The following DNAJA3 variants were observed in gnomAD, a reference collection of about 807,000 sequenced individuals.
DNAJA3 encodes DnaJ heat shock protein family (Hsp40) member A3, also known as dnaJ homolog subfamily A member 3, mitochondrial.
A neutral mutation model predicts 54.9 loss-of-function variants in DNAJA3; 29 were observed. The observed-to-expected ratio is 0.53, with a 90% CI of 0.39 to 0.72. DNAJA3 has a LOEUF of 0.72. Ranked by LOEUF, DNAJA3 falls within the 30% of genes least tolerant of loss-of-function variation. The pLI is 0.00. For synonymous variants in DNAJA3, 302 were observed against 251.4 expected (o/e 1.20, Z -1.90); for missense variants, 708 against 639.4 (o/e 1.11, Z -1.16).
At position 4,450,463 on chromosome 16, in the gene DNAJA3, G is replaced by A. The variant is rs2056964384; in HGVS notation, c.1305G>A (p.Glu435=). The A allele has an allele frequency of 6.2e-7, 1 of 1,611,966 alleles. No homozygotes were observed. The highest frequency in any genetic ancestry group is 1.7e-5 in the Admixed American group (1 of 59,756). The part of the protein sequence containing the change: ...LSYAEDETDV[E]GTVNGVTLTS... Reference sequence around the variant, plus strand: ...ACGCCGAGGACGAGACAGATGTGGAGGGGACGGTGAACGGCGTCACCCTCA... The same window carrying A: ...ACGCCGAGGACGAGACAGATGTGGAAGGGACGGTGAACGGCGTCACCCTCA... The change falls in exon 10 of 12, where the codon GAG becomes GAA. Residue 435 remains glutamate (E), a synonymous_variant. Transcript: ENST00000262375.
At chr16:4,445,171 C>A (rs927415679) in intron 7 of DNAJA3, among the ~76,000 whole-genome samples, 1 of 152,146 alleles carries the variant, frequency 6.6e-6, no homozygotes, top group African/African-American at 2.4e-5. Context: ...GCCTAGCAGG[C>A]GATAGGTACA....
intron 2 of DNAJA3, 105 bp downstream of exon 2, chr16:4,434,622 A>G (rs570295898): frequency 3.8e-6 from 5 of 1,316,584 alleles, no homozygotes; most frequent in Non-Finnish European, 5.2e-6. Flanking sequence ...AATAGGTCTC[A>G]TGAGCTGATA....
chr16:4,435,793 T>C (rs1446468943), intron 2 of DNAJA3, among the ~76,000 whole-genome samples: 1 of 152,238 alleles, frequency 6.6e-6, no homozygotes, highest in Admixed American at 6.5e-5. Context: ...TAGACATTCA[T>C]ATGTAAGTTT....
In DNAJA3 at chr16:4,446,996, C is replaced by G. The variant is rs771962066; in HGVS notation, c.1107C>G (p.Tyr369Ter). The G allele has an allele frequency of 1.2e-6, 2 of 1,613,880 alleles. No homozygotes were observed. Among genetic ancestry groups the G allele is most frequent in the Non-Finnish European group, 1.7e-6 (2 of 1,179,934 alleles). ...GTACAGCCAGAGCCCAGGGCCTGTA[C>G]GAGACGATCAACGTGACGGTAAGAG... ...LGGTARAQGL[Y>*]ETINVTIPPG... Residue 369 changes from tyrosine to a stop codon, truncating the protein, a stop_gained, in exon 8 of 12, where the codon TAC (tyrosine) becomes TAG (stop). Transcript: ENST00000262375. LOFTEE classifies it high-confidence loss of function.
intron 3 of DNAJA3, among the ~76,000 whole-genome samples, chr16:4,438,068 A>G (rs1008447187): frequency 6.1e-4 from 93 of 152,058 alleles, no homozygotes; most frequent in African/African-American, 2.2e-3. Flanking sequence ...TGTAATCCCA[A>G]CACTTTGGGA....
chr16:4,441,432 G>T lies in DNAJA3; in HGVS notation c.487G>T (p.Asp163Tyr). The T allele has an allele frequency of 6.2e-7, 1 of 1,614,134 alleles. No homozygotes were observed. The highest frequency in any genetic ancestry group is 1.1e-5 in the South Asian group (1 of 91,076). The change falls in exon 4 of 12, where the codon GAT becomes TAT. Residue 163 changes from aspartate (D) to tyrosine (Y), a missense_variant. By Grantham distance (160) the Asp-to-Tyr change is radical. Transcript: ENST00000262375. ...QYDAYGSAGF[D>Y]PGASGSQHSY... ...CGATGCCTACGGCTCTGCAGGCTTC[G>T]ATCCTGGGGCCAGCGGCTCCCAGCA...
At chr16:4,435,213 GA>G (rs2056759525) in intron 2 of DNAJA3, among the ~76,000 whole-genome samples, 1 of 151,868 alleles carries the variant, frequency 6.6e-6, no homozygotes, top group African/African-American at 2.4e-5. Flanking sequence ...TCTTAACCTG[GA>G]AAATGTGAAA....
intron 2 of DNAJA3, among the ~76,000 whole-genome samples, chr16:4,435,971 C>T (rs1036110307): frequency 2.6e-5 from 4 of 152,226 alleles, no homozygotes; most frequent in African/African-American, 7.2e-5. Flanking sequence ...CTCCACATCC[C>T]AGTGAACACT....
intron 2 of DNAJA3, among the ~76,000 whole-genome samples, chr16:4,434,866 A>G (rs955891050): frequency 1.8e-4 from 27 of 147,434 alleles, no homozygotes; most frequent in African/African-American, 6.6e-4. Context: ...TTAGAGGTTT[A>G]GAATTACTTC....
At chr16:4,446,214 G>T (rs926799367) in intron 7 of DNAJA3, among the ~76,000 whole-genome samples, 1 of 149,226 alleles carries the variant, frequency 6.7e-6, no homozygotes, top group Non-Finnish European at 1.5e-5. Flanking sequence ...AGCCACCACG[G>T]CTGGCCTATA....
chr16:4,434,612 A>T (rs4785964), intron 2 of DNAJA3, 95 bp downstream of exon 2: 1 of 1,425,192 alleles, frequency 7.0e-7, no homozygotes, highest in Non-Finnish European at 9.5e-7. Context: ...TGCCCATATG[A>T]ATAGGTCTCA....
chr16:4,429,165 G>A (rs569735175), intron 1 of DNAJA3, among the ~76,000 whole-genome samples: 37 of 151,942 alleles, frequency 2.4e-4, no homozygotes, highest in Admixed American at 7.2e-4. Context: ...GGGATTACAG[G>A]TGTGAGCCAC....
At chr16:4,451,721 C>T (rs2056979836) in intron 10 of DNAJA3, among the ~76,000 whole-genome samples, 1 of 136,992 alleles carries the variant, frequency 7.3e-6, no homozygotes, top group African/African-American at 2.8e-5. Flanking sequence ...CACACCACTG[C>T]ACTCCAGCTT....
chr16:4,431,314 G>A (rs1038579653), intron 1 of DNAJA3, among the ~76,000 whole-genome samples: 1 of 152,230 alleles, frequency 6.6e-6, no homozygotes, highest in African/African-American at 2.4e-5. Context: ...CAGGTCTAGT[G>A]TTTTCTCAAG....
At chr16:4,446,795 C>A in intron 7 of DNAJA3, 91 bp from the exon 8 acceptor site, 1 of 1,515,148 alleles carries the variant, frequency 6.6e-7, no homozygotes, top group Non-Finnish European at 9.0e-7. Flanking sequence ...TGTAGTTTGT[C>A]AGGTCTGAGC....
At chr16:4,435,332 CAAAAT>C (rs1423755046) in intron 2 of DNAJA3, among the ~76,000 whole-genome samples, 2 of 151,994 alleles carry the variant, frequency 1.3e-5, no homozygotes, top group Non-Finnish European at 2.9e-5. Context: ...CTCTGACCAA[CAAAAT>C]AAAATCAATA....
At chr16:4,443,938 G>C (rs564893723) in intron 6 of DNAJA3, among the ~76,000 whole-genome samples, 3 of 152,246 alleles carry the variant, frequency 2.0e-5, no homozygotes, top group East Asian at 1.9e-4. Context: ...CACCCGCCTC[G>C]GCTTCCCAAA....
intron 9 of DNAJA3, 181 bp from the exon 10 acceptor site, chr16:4,450,219 C>T: frequency 1.8e-6 from 1 of 545,722 alleles, no homozygotes; most frequent in Non-Finnish European, 3.3e-6. Context: ...AGGAGCTTTT[C>T]TGTACAGAAG....
Position 4,454,917 on chromosome 16 carries a change from T to C in DNAJA3, c.*3T>C, listed in dbSNP as rs1398050999. 6.2e-7 allele frequency: 1 copy of C among 1,609,474 alleles called. No homozygotes were observed. Among genetic ancestry groups the C allele is most frequent in the Non-Finnish European group, 8.5e-7 (1 of 1,176,140 alleles). ...TTAAGAAAATGTTTACCTCATGATA[T>C]CCCAGCCGAGGTAGGAAAACCCTGG... On this transcript the variant is annotated 3_prime_UTR_variant, in exon 11 of 12. Transcript: ENST00000262375.
Sources: allele counts gnomAD v4.1 joint callset (sites outside exome capture counted in the v4.1 genomes callset), GRCh38; gene constraint gnomAD v4.1.1; transcripts MANE v1.5; gene names NCBI Gene and HGNC (gene_info 2026-07-23, HGNC 2026-07-21).